The following SORBS2 variants were observed in gnomAD, a reference collection of about 807,000 sequenced individuals.
The protein encoded by SORBS2 is sorbin and SH3 domain containing 2.
SORBS2 carries 46 observed loss-of-function variants against 97.7 expected under a neutral mutation model. The ratio of observed to expected loss-of-function variants is 0.47; its 90% confidence interval spans 0.37 to 0.60. The LOEUF (loss-of-function observed/expected upper bound fraction) is 0.60, where lower values mean the gene tolerates loss of function less well. Ranked by LOEUF, SORBS2 falls within the 20% of genes least tolerant of loss-of-function variation. SORBS2 has a pLI of 0.00. For missense variants in SORBS2, 1,316 were observed against 1,282.3 expected (o/e 1.03, Z -0.40); for synonymous variants, 476 against 473.4 (o/e 1.01, Z -0.07).
chr4:185,702,440 C>G (rs1276998603), intron 2 of SORBS2, among the ~76,000 whole-genome samples: 1 of 152,180 alleles, frequency 6.6e-6, no homozygotes, highest in Non-Finnish European at 1.5e-5. Flanking sequence ...CTCCCTCTGC[C>G]AGGGAGGACA....
intron 2 of SORBS2, among the ~76,000 whole-genome samples, chr4:185,747,014 C>T (rs772173212): frequency 3.3e-5 from 5 of 152,110 alleles, no homozygotes; most frequent in Non-Finnish European, 5.9e-5. Flanking sequence ...AGAAGAGTGC[C>T]GGGCGCAGTG....
At chr4:185,656,623 G>T (rs757988815) in exon 1 of SORBS2, 1 of 1,550,302 alleles carries the variant, frequency 6.5e-7, no homozygotes, top group South Asian at 1.2e-5. Context: ...ACCTGCAAAG[G>T]TGTTGTTGCT....
chr4:185,610,877 A>C (rs1285531122), intron 12 of SORBS2, among the ~76,000 whole-genome samples: 2 of 152,188 alleles, frequency 1.3e-5, no homozygotes, highest in South Asian at 2.1e-4. Context: ...TTTGGAAGTC[A>C]TTGGCAATTT....
chr4:185,620,710 GT>G (rs530795404), intron 7 of SORBS2, among the ~76,000 whole-genome samples: 160 of 152,252 alleles, frequency 1.1e-3, no homozygotes, highest in East Asian at 1.5e-3. Context: ...CTCTTCCTCT[GT>G]TTTTAAATAC....
At chr4:185,760,518 G>A (rs1215407650) in intron 2 of SORBS2, among the ~76,000 whole-genome samples, 2 of 152,182 alleles carry the variant, frequency 1.3e-5, no homozygotes, top group African/African-American at 2.4e-5. Flanking sequence ...AGCTGAGATC[G>A]CGCCATTGCG....
intron 4 of SORBS2, among the ~76,000 whole-genome samples, chr4:185,663,675 T>A (rs1374425372): frequency 1.3e-5 from 2 of 152,152 alleles, no homozygotes; most frequent in African/African-American, 4.8e-5. Flanking sequence ...AATATCATTG[T>A]AATACTATTA....
At chr4:185,943,399 C>T (rs1017900113) in intron 1 of SORBS2, among the ~76,000 whole-genome samples, 2 of 152,158 alleles carry the variant, frequency 1.3e-5, no homozygotes, top group African/African-American at 2.4e-5. Context: ...AAATTGTGTG[C>T]CTCCAGATGT....
chr4:185,788,648 A>G (rs890145116), intron 1 of SORBS2, among the ~76,000 whole-genome samples: 1 of 152,238 alleles, frequency 6.6e-6, no homozygotes, highest in Non-Finnish European at 1.5e-5. Flanking sequence ...GGTGAATTTT[A>G]TAATTATACC....
intron 1 of SORBS2, among the ~76,000 whole-genome samples, chr4:185,806,550 C>T (rs1483590988): frequency 4.8e-5 from 7 of 146,872 alleles, no homozygotes; most frequent in South Asian, 2.2e-4. Flanking sequence ...CTCCTCCTCC[C>T]GGGTTCACGC....
At chr4:185,597,909 G>T (rs1174102279) in intron 12 of SORBS2, among the ~76,000 whole-genome samples, 1 of 152,214 alleles carries the variant, frequency 6.6e-6, no homozygotes. Context: ...ATGTGGAATA[G>T]ACAGTCATCT....
intron 1 of SORBS2, among the ~76,000 whole-genome samples, chr4:185,871,187 GT>G (rs1052526710): frequency 6.6e-6 from 1 of 151,714 alleles, no homozygotes; most frequent in South Asian, 2.1e-4. Context: ...AGTGAATTTT[GT>G]TTTTTTTGTA....
At position 185,678,828 on chromosome 4, in the gene SORBS2, A is replaced by C. The variant is rs1340642030; in HGVS notation, c.-197-6T>G. 17 of 1,450,604 alleles carry C rather than the reference A, an allele frequency of 1.2e-5. No homozygotes were observed. Among genetic ancestry groups the C allele is most frequent in the Non-Finnish European group, 1.6e-5 (17 of 1,094,892 alleles). The allele number at this position is 1,450,604 out of a possible 1,614,324, so 89.9% of individuals were successfully genotyped here. ...TGGTGACTGAGAATCACGCCCTGAA[A>C]GAAAAAAAAATGTTGAAATTAAGAC... On this transcript the variant is annotated splice_polypyrimidine_tract_variant and splice_region_variant and intron_variant, in intron 2 of 20. Transcript: ENST00000284776.
chr4:185,833,243 A>C (rs2099206112), intron 1 of SORBS2, among the ~76,000 whole-genome samples: 1 of 152,242 alleles, frequency 6.6e-6, no homozygotes, highest in Admixed American at 6.5e-5. Flanking sequence ...TGGCACAGCT[A>C]CAATAGCAGG....
At chr4:185,874,601 C>G (rs142796030) in intron 1 of SORBS2, among the ~76,000 whole-genome samples, 4 of 152,160 alleles carry the variant, frequency 2.6e-5, no homozygotes, top group Non-Finnish European at 5.9e-5. Flanking sequence ...AGGGCCAAGG[C>G]GTTTTCTAAT....
At chr4:185,803,993 G>A (rs72703845) in intron 1 of SORBS2, among the ~76,000 whole-genome samples, 9,393 of 152,064 alleles carry the variant, frequency 0.062, 339 homozygotes, top group Non-Finnish European at 0.078. Flanking sequence ...GGTTAAATTC[G>A]GAGGAAAAAT....
chr4:185,618,099 A>T (rs8180358), intron 9 of SORBS2, among the ~76,000 whole-genome samples: 1 of 152,082 alleles, frequency 6.6e-6, no homozygotes, highest in South Asian at 2.1e-4. Context: ...CAGCCTCCTG[A>T]GTAGCTGGGA....
chr4:185,782,242 C>T (rs1362381943), intron 1 of SORBS2, among the ~76,000 whole-genome samples: 2 of 152,342 alleles, frequency 1.3e-5, no homozygotes, highest in South Asian at 2.1e-4. Flanking sequence ...CCAACCAAGA[C>T]GATTCTCTGA....
chr4:185,753,752 T>C (rs2098814404), intron 2 of SORBS2, among the ~76,000 whole-genome samples: 1 of 152,212 alleles, frequency 6.6e-6, no homozygotes, highest in Non-Finnish European at 1.5e-5. Context: ...TGTTTTTTCT[T>C]GTATTCTTTC....
At chr4:185,857,188 C>A (rs772260593) in intron 1 of SORBS2, among the ~76,000 whole-genome samples, 1 of 152,148 alleles carries the variant, frequency 6.6e-6, no homozygotes, top group Non-Finnish European at 1.5e-5. Context: ...AGCAGAAGAA[C>A]ATAAATTGTG....
Sources: allele counts gnomAD v4.1 joint callset (sites outside exome capture counted in the v4.1 genomes callset), GRCh38; gene constraint gnomAD v4.1.1; transcripts MANE v1.5; gene names NCBI Gene and HGNC (gene_info 2026-07-23, HGNC 2026-07-21).